Variants in RALYL observed in about 807,000 individuals in gnomAD.
RALYL encodes RALY RNA binding protein like, also known as RNA-binding Raly-like protein.
A neutral mutation model predicts 35.1 loss-of-function variants in RALYL; 29 were observed. The observed-to-expected ratio is 0.83, with a 90% CI of 0.61 to 1.13. The LOEUF (loss-of-function observed/expected upper bound fraction) is 1.13, where lower values mean the gene tolerates loss of function less well. Among genes scored for constraint, RALYL ranks in the 50% most tolerant of loss-of-function variants. The pLI is 0.00. For synonymous variants in RALYL, 120 were observed against 127.6 expected (o/e 0.94, Z 0.40); for missense variants, 359 against 360.4 (o/e 1.00, Z 0.03).
At chr8:84,556,461 A>G (rs1181622897) in intron 2 of RALYL, among the ~76,000 whole-genome samples, 1 of 152,192 alleles carries the variant, frequency 6.6e-6, no homozygotes, top group Non-Finnish European at 1.5e-5. Flanking sequence ...TTGACTCCAA[A>G]GACTAAGCTC....
chr8:84,444,124 T>C (rs950627968), intron 1 of RALYL, among the ~76,000 whole-genome samples: 1 of 152,042 alleles, frequency 6.6e-6, no homozygotes, highest in Non-Finnish European at 1.5e-5. Flanking sequence ...AGGCCAAGAT[T>C]TTGAGACCAG....
intron 1 of RALYL, among the ~76,000 whole-genome samples, chr8:84,244,987 A>T (rs984139162): frequency 6.6e-6 from 1 of 152,142 alleles, no homozygotes; most frequent in Non-Finnish European, 1.5e-5. Flanking sequence ...TCACGCAATT[A>T]CCCTTGTTCT....
chr8:84,214,528 T>G (rs1820306943), intron 1 of RALYL, among the ~76,000 whole-genome samples: 2 of 152,286 alleles, frequency 1.3e-5, no homozygotes, highest in East Asian at 1.9e-4. Flanking sequence ...CAATAATGAC[T>G]TATTTTGCCC....
In RALYL at chr8:84,695,604, A is replaced by G. The variant is rs147172083; in HGVS notation, c.257-78975A>G. Among the ~76,000 whole-genome samples, 209 of 151,964 alleles carry G rather than the reference A, an allele frequency of 1.4e-3. 1 individual carries two copies. Among genetic ancestry groups the G allele is most frequent in the Middle Eastern group, 6.8e-3 (2 of 294 alleles). ...TTAAGATTAAGATGATGGCTATTTT[A>G]TCTTTGTCCCCTTGTATCTTGGACA... is the stretch of plus-strand genomic sequence containing the variant. On this transcript the variant is annotated intron_variant, in intron 2 of 8. Coordinates refer to ENST00000521268, the MANE Select transcript of RALYL (RefSeq NM_173848.7).
intron 2 of RALYL, among the ~76,000 whole-genome samples, chr8:84,721,667 T>C (rs1276997430): frequency 6.6e-6 from 1 of 152,110 alleles, no homozygotes; most frequent in Non-Finnish European, 1.5e-5. Flanking sequence ...CAGCAGTAAC[T>C]CAGTGAATAT....
At chr8:84,437,016 C>G (rs1022620604) in intron 1 of RALYL, among the ~76,000 whole-genome samples, 1 of 152,108 alleles carries the variant, frequency 6.6e-6, no homozygotes, top group Non-Finnish European at 1.5e-5. Context: ...TCAACCCTTG[C>G]TCCCTCCTCC....
At chr8:84,465,024 G>A (rs2133485759) in intron 1 of RALYL, among the ~76,000 whole-genome samples, 1 of 106,356 alleles carries the variant, frequency 9.4e-6, no homozygotes, top group East Asian at 2.6e-4. Context: ...GGAGTTCATT[G>A]TAGATTCTGG....
intron 4 of RALYL, among the ~76,000 whole-genome samples, chr8:84,810,366 T>C (rs1825643105): frequency 6.6e-6 from 1 of 152,180 alleles, no homozygotes; most frequent in Non-Finnish European, 1.5e-5. Context: ...ATAATTTCAA[T>C]TTTCCTAAAT....
intron 1 of RALYL, among the ~76,000 whole-genome samples, chr8:84,363,331 A>G (rs1853488677): frequency 6.6e-6 from 1 of 152,182 alleles, no homozygotes; most frequent in African/African-American, 2.4e-5. Flanking sequence ...GGACTCAGAA[A>G]CAGAAGGGAG....
intron 2 of RALYL, among the ~76,000 whole-genome samples, chr8:84,569,152 GT>G (rs1807273527): frequency 6.6e-6 from 1 of 151,870 alleles, no homozygotes; most frequent in Admixed American, 6.6e-5. Context: ...TAATGCCTAG[GT>G]TTTCTTCTAG....
At chr8:84,649,089 A>G (rs1218049002) in intron 2 of RALYL, among the ~76,000 whole-genome samples, 1 of 152,024 alleles carries the variant, frequency 6.6e-6, no homozygotes, top group Non-Finnish European at 1.5e-5. Context: ...AAGCTTATTA[A>G]TCATATTCAC....
At chr8:84,396,599 T>C (rs73300789) in intron 1 of RALYL, among the ~76,000 whole-genome samples, 4,293 of 152,218 alleles carry the variant, frequency 0.028, 194 homozygotes, top group African/African-American at 0.097. Context: ...ACATTATTGT[T>C]AATTATAGTT....
intron 4 of RALYL, among the ~76,000 whole-genome samples, chr8:84,807,379 A>G (rs1340523976): frequency 1.3e-5 from 2 of 152,182 alleles, no homozygotes; most frequent in African/African-American, 4.8e-5. Flanking sequence ...ATTCCATCAT[A>G]TAAATATACA....
chr8:84,519,991 A>G (rs2058343505), intron 1 of RALYL, among the ~76,000 whole-genome samples: 2 of 152,232 alleles, frequency 1.3e-5, no homozygotes, highest in Non-Finnish European at 2.9e-5. Context: ...AAACCCTGAT[A>G]GTGTAGACAT....
At chr8:84,724,120 A>G (rs1844506422) in intron 2 of RALYL, among the ~76,000 whole-genome samples, 1 of 151,852 alleles carries the variant, frequency 6.6e-6, no homozygotes, top group African/African-American at 2.4e-5. Context: ...TTCAGTAATG[A>G]AACATGAAGA....
intron 1 of RALYL, among the ~76,000 whole-genome samples, chr8:84,435,909 G>A (rs2047659905): frequency 6.6e-6 from 1 of 152,086 alleles, no homozygotes; most frequent in Admixed American, 6.6e-5. Context: ...TGGATAGAAA[G>A]GATGCTTTCT....
chr8:84,450,279 G>T (rs2049318672), intron 1 of RALYL, among the ~76,000 whole-genome samples: 1 of 151,770 alleles, frequency 6.6e-6, no homozygotes, highest in African/African-American at 2.4e-5. Flanking sequence ...GGAGAACTGG[G>T]AAACTTTTGA....
At chr8:84,401,177 T>G (rs1053259238) in intron 1 of RALYL, among the ~76,000 whole-genome samples, 8 of 152,176 alleles carry the variant, frequency 5.3e-5, no homozygotes, top group Non-Finnish European at 1.0e-4. Context: ...ATGTCAAGGG[T>G]GTCCATTATC....
At chr8:84,459,135 G>A (rs1347896295) in intron 1 of RALYL, among the ~76,000 whole-genome samples, 3 of 151,710 alleles carry the variant, frequency 2.0e-5, no homozygotes, top group Non-Finnish European at 4.4e-5. Context: ...TTTCTAGATT[G>A]TATATGAAAC....
Sources: allele counts gnomAD v4.1 joint callset (sites outside exome capture counted in the v4.1 genomes callset), GRCh38; gene constraint gnomAD v4.1.1; transcripts MANE v1.5; gene names NCBI Gene and HGNC (gene_info 2026-07-23, HGNC 2026-07-21).